CAST: variants seen among roughly 807,000 people sequenced by gnomAD.
CAST encodes MIR583 host.
A neutral mutation model predicts 119.6 loss-of-function variants in CAST; 76 were observed. The ratio of observed to expected loss-of-function variants is 0.64; its 90% CI spans 0.53 to 0.77. The LOEUF (loss-of-function observed/expected upper bound fraction) is 0.77, where lower values mean the gene tolerates loss of function less well. CAST is among the 30% of genes least tolerant of loss of function. CAST has a pLI of 0.00. For missense variants in CAST, 953 were observed against 946.5 expected, an observed-to-expected ratio of 1.01 and a Z score of -0.09; for synonymous variants, 319 against 331.6, an observed-to-expected ratio of 0.96 and a Z score of 0.41.
At chr5:96,667,051 C>G (rs964047163) in intron 1 of CAST, among the ~76,000 whole-genome samples, 4 of 151,758 alleles carry the variant, frequency 2.6e-5, no homozygotes, top group Non-Finnish European at 5.9e-5. Context: ...ACCATAAAGG[C>G]GGGGGGCAGG....
chr5:96,404,301 G>T, the CAST span, among the ~76,000 whole-genome samples: 1 of 152,170 alleles, frequency 6.6e-6, no homozygotes, highest in South Asian at 2.1e-4. Context: ...GTTAAAAAAG[G>T]AATTCCTAGG....
At chr5:96,606,057 G>C (rs1221137319) in intron 1 of CAST, among the ~76,000 whole-genome samples, 1 of 152,154 alleles carries the variant, frequency 6.6e-6, no homozygotes, top group Non-Finnish European at 1.5e-5. Flanking sequence ...CAATCTGAGA[G>C]AGTTGTGGGG....
intron 4 of CAST, among the ~76,000 whole-genome samples, chr5:96,724,490 A>T (rs567463398): frequency 6.6e-6 from 1 of 152,238 alleles, no homozygotes; most frequent in Non-Finnish European, 1.5e-5. Flanking sequence ...GCCTAAAATT[A>T]AAAATCCTAA....
At chr5:96,343,475 A>G in the CAST span, among the ~76,000 whole-genome samples, 1 of 152,220 alleles carries the variant, frequency 6.6e-6, no homozygotes, top group South Asian at 2.1e-4. Context: ...GTTAATATTA[A>G]CATGCTTTTC....
chr5:96,583,548 AT>A (rs1381258159), intron 1 of CAST, among the ~76,000 whole-genome samples: 35 of 152,194 alleles, frequency 2.3e-4, no homozygotes, highest in Non-Finnish European at 4.0e-4. Context: ...GATAATAATA[AT>A]ATTGACACTA....
chr5:96,189,283 G>A, the CAST span, among the ~76,000 whole-genome samples: 2 of 152,104 alleles, frequency 1.3e-5, no homozygotes, highest in African/African-American at 2.4e-5. Context: ...GAGGGGGAGG[G>A]CTAGGTGGAT....
the CAST span, among the ~76,000 whole-genome samples, chr5:96,133,920 C>T: frequency 1.3e-5 from 2 of 152,192 alleles, no homozygotes; most frequent in Non-Finnish European, 2.9e-5. Flanking sequence ...GCTACTGAAG[C>T]CCTCAGACTC....
chr5:96,159,860 A>T, the CAST span, among the ~76,000 whole-genome samples: 1 of 152,032 alleles, frequency 6.6e-6, no homozygotes, highest in Non-Finnish European at 1.5e-5. Flanking sequence ...TTTAAAATGT[A>T]AATGGGCTCA....
At chr5:96,610,339 T>C (rs986641083) in intron 1 of CAST, among the ~76,000 whole-genome samples, 3 of 152,208 alleles carry the variant, frequency 2.0e-5, no homozygotes, top group African/African-American at 4.8e-5. Flanking sequence ...TATGTCTTCA[T>C]AGCAGTGCAA....
chr5:96,461,991 G>A, the CAST span, among the ~76,000 whole-genome samples: 1 of 152,092 alleles, frequency 6.6e-6, no homozygotes, highest in African/African-American at 2.4e-5. Flanking sequence ...TTTCCCCTAT[G>A]GAAGTACAAT....
the CAST span, among the ~76,000 whole-genome samples, chr5:96,120,174 A>T: frequency 6.6e-6 from 1 of 152,012 alleles, no homozygotes; most frequent in Non-Finnish European, 1.5e-5. Context: ...TCTCCCACTG[A>T]GGGCAGTCCT....
the CAST span, among the ~76,000 whole-genome samples, chr5:96,018,002 G>A: frequency 5.3e-4 from 80 of 152,198 alleles, no homozygotes; most frequent in Admixed American, 7.2e-4. Context: ...TTTATTCCAG[G>A]TAATTTAACT....
chr5:96,748,754 T>G lies in CAST; in HGVS notation c.1428+141T>G, dbSNP rs1487565195. ...TTTTTCCATGTCATTTTTGTCTTCC[T>G]TTTTGGATGTGCTTTCTGCCCCAAC... On this transcript the variant is annotated intron_variant, in intron 19 of 31. Coordinates refer to ENST00000675179, the MANE Select transcript of CAST (RefSeq NM_001750.7). 4 of 561,844 alleles carry G rather than the reference T, an allele frequency of 7.1e-6. No homozygotes were observed. In the African/African-American group the frequency reaches 7.7e-5, roughly 11 times the overall value. 34.8% of individuals were successfully genotyped at this position (561,844 alleles called of 1,614,324 possible).
At chr5:96,010,087 A>G in the CAST span, among the ~76,000 whole-genome samples, 1 of 152,138 alleles carries the variant, frequency 6.6e-6, no homozygotes, top group Non-Finnish European at 1.5e-5. Flanking sequence ...AGCCTTGTCA[A>G]AGATCAGATG....
At chr5:95,995,493 T>A in the CAST span, among the ~76,000 whole-genome samples, 2 of 152,250 alleles carry the variant, frequency 1.3e-5, no homozygotes, top group South Asian at 4.1e-4. Flanking sequence ...AGTTGACCTA[T>A]TGAATTATTT....
At chr5:96,644,160 C>T (rs1365527374) in intron 1 of CAST, among the ~76,000 whole-genome samples, 1 of 152,144 alleles carries the variant, frequency 6.6e-6, no homozygotes, top group Non-Finnish European at 1.5e-5. Flanking sequence ...TTGTATACTT[C>T]ATATGGGTGA....
At chr5:96,637,687 G>T (rs995884807) in intron 1 of CAST, among the ~76,000 whole-genome samples, 2 of 151,944 alleles carry the variant, frequency 1.3e-5, no homozygotes, top group Admixed American at 6.6e-5. Context: ...ATCCATAAAA[G>T]CTAAATAGCT....
chr5:96,464,372 C>T, the CAST span, among the ~76,000 whole-genome samples: 1 of 151,862 alleles, frequency 6.6e-6, no homozygotes, highest in African/African-American at 2.4e-5. Flanking sequence ...TGAAATGGGG[C>T]CTCATATAAA....
rs80333063 is a variant in CAST, at chr5:96,699,995, G to A, written c.210+4088G>A. ...AAGCACCTATCAGAGAAATACTTTC[G>A]TGATTTGGGTCCTGAGTCTGCCATA... On this transcript the variant is annotated intron_variant, in intron 3 of 31. Transcript: ENST00000675179. 6.2e-3 allele frequency among the ~76,000 whole-genome samples: 951 copies of A among 152,250 alleles called. 10 individuals carry two copies. Among genetic ancestry groups the A allele is most frequent in the African/African-American group, 0.022 (901 of 41,550 alleles).
Sources: allele counts gnomAD v4.1 joint callset (sites outside exome capture counted in the v4.1 genomes callset), GRCh38; gene constraint gnomAD v4.1.1; transcripts MANE v1.5; gene names NCBI Gene and HGNC (gene_info 2026-07-23, HGNC 2026-07-21).